The following CDKAL1 variants were observed in gnomAD, a reference collection of about 807,000 sequenced individuals.
CDKAL1 encodes the protein threonylcarbamoyladenosine tRNA methylthiotransferase.
Under a neutral mutation model 68.2 loss-of-function variants are expected in CDKAL1, and 32 were observed. That is an observed-to-expected ratio of 0.47 (90% CI 0.35 to 0.63). The LOEUF (loss-of-function observed/expected upper bound fraction) is 0.63. Among genes scored for constraint, CDKAL1 ranks in the 30% least tolerant of loss-of-function variants. CDKAL1 has a pLI of 0.00. For synonymous variants in CDKAL1, 234 were observed against 244.3 expected (o/e 0.96, Z 0.39); for missense variants, 606 against 696.7 (o/e 0.87, Z 1.47).
At chr6:21,212,588 T>C (rs1452044961) in intron 15 of CDKAL1, among the ~76,000 whole-genome samples, 1 of 152,194 alleles carries the variant, frequency 6.6e-6, no homozygotes, top group Admixed American at 6.5e-5. Context: ...AGTGTGGATG[T>C]TGCATTGTAC....
At chr6:20,587,539 C>T (rs566051730) in intron 4 of CDKAL1, among the ~76,000 whole-genome samples, 113 of 151,652 alleles carry the variant, frequency 7.5e-4, no homozygotes, top group African/African-American at 2.5e-3. Context: ...TTGCCACCAG[C>T]GTGGGCAGCG....
intron 4 of CDKAL1, among the ~76,000 whole-genome samples, chr6:20,562,830 T>C (rs1764320509): frequency 1.3e-5 from 2 of 152,210 alleles, no homozygotes; most frequent in African/African-American, 4.8e-5. Flanking sequence ...TCAATTCTCA[T>C]GTCCTATACG....
intron 10 of CDKAL1, among the ~76,000 whole-genome samples, chr6:20,992,923 T>G (rs991071581): frequency 8.9e-5 from 13 of 146,096 alleles, no homozygotes; most frequent in East Asian, 6.0e-4. Context: ...AAAAAAGAAA[T>G]AAATCCTTAG....
chr6:20,601,214 T>C (rs1051369447), intron 4 of CDKAL1, among the ~76,000 whole-genome samples: 1 of 152,210 alleles, frequency 6.6e-6, no homozygotes, highest in Non-Finnish European at 1.5e-5. Context: ...CAGAAACACA[T>C]AATTAAATGC....
chr6:21,211,649 G>A (rs1338031411), intron 15 of CDKAL1, among the ~76,000 whole-genome samples: 1 of 152,130 alleles, frequency 6.6e-6, no homozygotes, highest in African/African-American at 2.4e-5. Context: ...ACATCCACAT[G>A]GCCCTGTCTA....
At chr6:20,721,029 G>C (rs1388228968) in intron 5 of CDKAL1, among the ~76,000 whole-genome samples, 1 of 152,090 alleles carries the variant, frequency 6.6e-6, no homozygotes, top group Non-Finnish European at 1.5e-5. Context: ...TGTTACATAT[G>C]TATACGTGTG....
intron 5 of CDKAL1, among the ~76,000 whole-genome samples, chr6:20,696,723 G>T (rs1046030050): frequency 2.0e-5 from 3 of 152,182 alleles, no homozygotes; most frequent in Non-Finnish European, 4.4e-5. Context: ...ATCACAGCTT[G>T]TAATTATATA....
intron 4 of CDKAL1, among the ~76,000 whole-genome samples, chr6:20,626,490 G>A (rs146754061): frequency 5.3e-5 from 8 of 151,968 alleles, no homozygotes; most frequent in African/African-American, 1.9e-4. Flanking sequence ...GTACTAAAAG[G>A]CTCCAGAAAT....
chr6:20,570,175 T>TTCAC (rs1429037562), intron 4 of CDKAL1, among the ~76,000 whole-genome samples: 2 of 151,426 alleles, frequency 1.3e-5, no homozygotes, highest in Non-Finnish European at 2.9e-5. Context: ...ATGATCTCGG[T>TTCAC]TCACTGCAAC....
chr6:21,105,354 G>A (rs1773792862), intron 12 of CDKAL1, among the ~76,000 whole-genome samples: 1 of 152,172 alleles, frequency 6.6e-6, no homozygotes, highest in Admixed American at 6.5e-5. Flanking sequence ...CTCAGAGGCG[G>A]AGAGAGGAGG....
intron 15 of CDKAL1, among the ~76,000 whole-genome samples, chr6:21,223,400 C>A (rs1779606782): frequency 6.6e-6 from 1 of 152,160 alleles, no homozygotes; most frequent in African/African-American, 2.4e-5. Context: ...GAGCACTTAG[C>A]GTCCTGCTGG....
intron 9 of CDKAL1, among the ~76,000 whole-genome samples, chr6:20,948,535 A>G (rs899540941): frequency 1.3e-5 from 2 of 152,166 alleles, no homozygotes; most frequent in East Asian, 1.9e-4. Flanking sequence ...TCAACTGATT[A>G]TTAATATTTT....
intron 12 of CDKAL1, among the ~76,000 whole-genome samples, chr6:21,107,568 C>T (rs998230686): frequency 6.6e-6 from 1 of 152,104 alleles, no homozygotes; most frequent in Non-Finnish European, 1.5e-5. Context: ...GCTCAGATTA[C>T]AGGTGTCCAC....
intron 12 of CDKAL1, among the ~76,000 whole-genome samples, chr6:21,081,560 A>T (rs568282616): frequency 2.0e-5 from 3 of 151,534 alleles, no homozygotes; most frequent in South Asian, 2.1e-4. Flanking sequence ...AAAGAACCTT[A>T]TAATGATATA....
intron 14 of CDKAL1, among the ~76,000 whole-genome samples, chr6:21,199,794 A>ATCCTT (rs1778616992): frequency 6.6e-6 from 1 of 152,216 alleles, no homozygotes; most frequent in Non-Finnish European, 1.5e-5. Context: ...TGGGCTTTTT[A>ATCCTT]TATCCTAACA....
At chr6:20,800,275 C>T (rs1294804164) in intron 8 of CDKAL1, among the ~76,000 whole-genome samples, 4 of 152,202 alleles carry the variant, frequency 2.6e-5, no homozygotes, top group Non-Finnish European at 4.4e-5. Context: ...CATAAAGAAA[C>T]TAACTCTGGG....
intron 8 of CDKAL1, among the ~76,000 whole-genome samples, chr6:20,826,954 T>C (rs1331425422): frequency 1.3e-5 from 2 of 152,180 alleles, no homozygotes; most frequent in Non-Finnish European, 2.9e-5. Context: ...ACCAAAAATC[T>C]TAATTTCATT....
At chr6:20,544,333 C>T (rs1220730479) in intron 2 of CDKAL1, among the ~76,000 whole-genome samples, 1 of 151,950 alleles carries the variant, frequency 6.6e-6, no homozygotes, top group Non-Finnish European at 1.5e-5. Context: ...CGCAGTGGCT[C>T]ACGCCTGTAA....
intron 13 of CDKAL1, among the ~76,000 whole-genome samples, chr6:21,181,221 C>A (rs1777777556): frequency 6.6e-6 from 1 of 152,218 alleles, no homozygotes; most frequent in Non-Finnish European, 1.5e-5. Flanking sequence ...GACCGAATCA[C>A]CACTTAAAGA....
Sources: gnomAD v4.1 joint callset for allele counts (sites outside exome capture counted in the v4.1 genomes callset) on GRCh38, gnomAD v4.1.1 for gene constraint, MANE v1.5 for transcripts, NCBI Gene and HGNC (gene_info 2026-07-23, HGNC 2026-07-21) for gene names.